The following XCR1 variants were observed in gnomAD, a reference collection of about 807,000 sequenced individuals.
The protein encoded by XCR1 is chemokine XC receptor 1.
For synonymous variants in XCR1, 187 were observed against 188.5 expected, an observed-to-expected ratio of 0.99 and a Z score of 0.06; for missense variants, 356 against 424.2, an observed-to-expected ratio of 0.84 and a Z score of 1.41.
intron 5 of XCR1, among the ~76,000 whole-genome samples, chr3:46,049,759 G>C (rs1697704193): frequency 6.6e-6 from 1 of 152,144 alleles, no homozygotes. Flanking sequence ...ACCTGGAGTA[G>C]GCTTGTGATG....
Position 46,020,023 on chromosome 3 carries a change from G to C in XCR1, c.*923C>G, listed in dbSNP as rs1453921739. 1.3e-5 allele frequency: 2 copies of C among 152,244 alleles called. No individual in the cohort carries two copies. The highest frequency in any genetic ancestry group is 2.9e-5 in the Non-Finnish European group (2 of 68,094). The allele number at this position is 152,244 out of a possible 1,614,324, so 9.4% of individuals were successfully genotyped here. A position where few individuals can be genotyped will look rare whatever the true frequency, so the allele number is the denominator to read the frequency against. ...TTGAGGTTTGGAGTGTGGGTGGGTG[G>C]GGGGAGCTACCACCATCAACCAAAT... is the stretch of plus-strand genomic sequence containing the variant. On this transcript the variant is annotated 3_prime_UTR_variant, in exon 2 of 2. Transcript: ENST00000309285.
At chr3:46,028,727 C>T (rs1445655827), upstream of XCR1, among the ~76,000 whole-genome samples, 1 of 151,754 alleles carries the variant, frequency 6.6e-6, no homozygotes, top group East Asian at 1.9e-4. Context: ...GTAGCTAAGA[C>T]TATAGGTACA....
intron 1 of XCR1, among the ~76,000 whole-genome samples, chr3:46,080,930 T>G (rs529746006): frequency 2.6e-5 from 4 of 152,298 alleles, no homozygotes; most frequent in Admixed American, 2.6e-4. Flanking sequence ...CCTTTACCTT[T>G]AGGACCCTTT....
In XCR1 at chr3:46,021,714, C is replaced by G; in HGVS notation, c.234G>C (p.Leu78=). 1 of 1,614,052 alleles carries G rather than the reference C, an allele frequency of 6.2e-7. No individual in the cohort carries two copies. The highest frequency in any genetic ancestry group is 8.5e-7 in the Non-Finnish European group (1 of 1,180,004). Residue 78 remains leucine, a synonymous_variant, in exon 2 of 2, where the codon CTG becomes CTC. Transcript: ENST00000309285. The surrounding 1 kb of genome is among the most constrained non-coding windows in gnomAD (Gnocchi z 4.7). ...ACACAGGCAACAAGCAGGCGAACAC[C>G]AGGTCTGAGAGGCACAGGTTGAGGA... is the stretch of plus-strand genomic sequence containing the variant. The part of the protein sequence containing the change: ...IFILNLCLSD[L]VFACLLPVWI...
chr3:46,037,542 A>C (rs1205694081), intron 5 of XCR1, among the ~76,000 whole-genome samples: 1 of 152,216 alleles, frequency 6.6e-6, no homozygotes, highest in Admixed American at 6.5e-5. Context: ...AAGAAGTCCA[A>C]AAGTATCATA....
intron 4 of XCR1, among the ~76,000 whole-genome samples, chr3:46,061,599 C>G (rs531955180): frequency 3.3e-5 from 5 of 152,302 alleles, no homozygotes; most frequent in African/African-American, 4.8e-5. Flanking sequence ...TTGCTGAGAA[C>G]CTTTGGGCTG....
chr3:46,065,932 GGGATGTCCCTGGGGCATTTGCTAACT>G (rs1340500923), intron 4 of XCR1, among the ~76,000 whole-genome samples: 1 of 152,216 alleles, frequency 6.6e-6, no homozygotes, highest in East Asian at 1.9e-4. Context: ...AGGCCACGTA[GGGATGTCCCTGGGGCATTTGCTAACT>G]CATTCTCAGA....
intron 1 of XCR1, among the ~76,000 whole-genome samples, chr3:46,025,530 A>G (rs1448263947): frequency 6.6e-6 from 1 of 152,224 alleles, no homozygotes; most frequent in African/African-American, 2.4e-5. Flanking sequence ...AATAACAAAT[A>G]AATATTATGA....
chr3:46,070,620 A>G (rs1005536510), intron 3 of XCR1, among the ~76,000 whole-genome samples: 1 of 151,800 alleles, frequency 6.6e-6, no homozygotes, highest in Non-Finnish European at 1.5e-5. Flanking sequence ...TTTGTGTGGA[A>G]TATCTTTTTC....
At chr3:46,047,283 A>G (rs1697653501) in intron 5 of XCR1, among the ~76,000 whole-genome samples, 1 of 152,238 alleles carries the variant, frequency 6.6e-6, no homozygotes, top group East Asian at 1.9e-4. Context: ...AAGAAGTTTC[A>G]CAAAATGCAA....
chr3:46,043,101 G>A (rs2125898006), intron 5 of XCR1, among the ~76,000 whole-genome samples: 1 of 152,224 alleles, frequency 6.6e-6, no homozygotes, highest in East Asian at 1.9e-4. Context: ...TGCACAGAAA[G>A]CACTTGACAA....
chr3:46,085,745 C>T (rs1698463697), intron 1 of XCR1, among the ~76,000 whole-genome samples: 1 of 152,218 alleles, frequency 6.6e-6, no homozygotes, highest in Non-Finnish European at 1.5e-5. Flanking sequence ...AAACCTCCCT[C>T]TTGAGCTACA....
At chr3:46,047,650 G>T (rs1053577657) in intron 5 of XCR1, among the ~76,000 whole-genome samples, 6 of 152,096 alleles carry the variant, frequency 3.9e-5, no homozygotes, top group African/African-American at 1.4e-4. Flanking sequence ...TCTTGAATTG[G>T]TCCTTTCCTT....
chr3:46,070,089 T>G (rs914863827), intron 3 of XCR1, among the ~76,000 whole-genome samples: 4 of 152,126 alleles, frequency 2.6e-5, no homozygotes, highest in African/African-American at 9.6e-5. Context: ...TGTATTTTTA[T>G]AGTTTCCAGA....
At chr3:46,054,300 T>C (rs370892290) in intron 4 of XCR1, among the ~76,000 whole-genome samples, 4 of 152,064 alleles carry the variant, frequency 2.6e-5, no homozygotes, top group Admixed American at 6.6e-5. Flanking sequence ...TCCCAGTAGA[T>C]AACCTCAAGG....
intron 3 of XCR1, among the ~76,000 whole-genome samples, chr3:46,069,848 GT>G (rs1479918147): frequency 6.7e-6 from 1 of 148,978 alleles, no homozygotes; most frequent in Admixed American, 6.7e-5. Flanking sequence ...TTTTGGGTTT[GT>G]TTTTTTCTTC....
At chr3:46,081,389 C>T (rs1491958) in intron 1 of XCR1, among the ~76,000 whole-genome samples, 10,599 of 152,204 alleles carry the variant, frequency 0.07, 569 homozygotes, top group East Asian at 0.24. Context: ...GGAAGGCCCA[C>T]GTGACTAGAT....
chr3:46,061,021 G>A (rs1271878101), intron 4 of XCR1, among the ~76,000 whole-genome samples: 1 of 152,188 alleles, frequency 6.6e-6, no homozygotes, highest in Non-Finnish European at 1.5e-5. Flanking sequence ...CATGATGGTG[G>A]AAAAAGTATT....
At chr3:46,024,214 CAAAAAA>C in intron 1 of XCR1, 4 of 197,400 alleles carry the variant, frequency 2.0e-5, no homozygotes, top group African/African-American at 2.6e-5. Context: ...GTTAATCCAG[CAAAAAA>C]AAAAAAAAAA....
Sources: allele counts gnomAD v4.1 joint callset (sites outside exome capture counted in the v4.1 genomes callset), GRCh38; gene constraint gnomAD v4.1.1; non-coding constraint Gnocchi (gnomAD v3.1); transcripts MANE v1.5; gene names NCBI Gene and HGNC (gene_info 2026-07-23, HGNC 2026-07-21).